BTK: variants seen among roughly 807,000 people sequenced by gnomAD.
BTK encodes Bruton tyrosine kinase.
A neutral mutation model predicts 57.4 loss-of-function variants in BTK; 5 were observed. The ratio of observed to expected loss-of-function variants is 0.09; its 90% CI spans 0.05 to 0.18. BTK has a LOEUF of 0.18. BTK is among the 10% of genes least tolerant of loss of function. BTK has a pLI of 1.00. For synonymous variants in BTK, 154 were observed against 174.3 expected, an observed-to-expected ratio of 0.88 and a Z score of 0.92; for missense variants, 194 against 501.2, an observed-to-expected ratio of 0.39 and a Z score of 5.85.
At chrX:101,385,347 T>C (rs1927578976) in intron 1 of BTK, among the ~76,000 whole-genome samples, 3 of 111,755 alleles carry the variant, frequency 2.7e-5, no homozygotes, top group African/African-American at 6.5e-5. Context: ...GCCATGCACA[T>C]GGAGGGCAAT....
chrX:101,382,587 T>G (rs1927485509), intron 1 of BTK, among the ~76,000 whole-genome samples: 1 of 111,148 alleles, frequency 9.0e-6, no homozygotes, highest in African/African-American at 3.3e-5. Flanking sequence ...TTTGGAAACT[T>G]CTAGGTCTCT....
rs1927331913 is a variant in BTK, at chrX:101,379,286, T to C, written c.-30-3972A>G. On this transcript the variant is annotated intron_variant, in intron 1 of 18. Coordinates refer to ENST00000308731, the MANE Select transcript of BTK (RefSeq NM_000061.3). ...ATATGATTTAAAATAAAATAACCAG[T>C]CAACTGTACTTCAAATGACTACTTA... Among the ~76,000 whole-genome samples the C allele has an allele frequency of 2.7e-5, 3 of 111,423 alleles. No individual in the cohort carries two copies. The South Asian group carries it at 1.1e-3, about 42-fold the overall frequency.
chrX:101,362,369 C>T (rs1569293315), intron 6 of BTK, 129 bp from the exon 7 acceptor site: 1 of 987,944 alleles, frequency 1.0e-6, no homozygotes, highest in African/African-American at 1.9e-5. Flanking sequence ...GCTAGGCATG[C>T]CAGGTCACAT....
upstream of BTK, among the ~76,000 whole-genome samples, chrX:101,389,396 A>AC (rs1291777142): frequency 8.9e-6 from 1 of 112,057 alleles, no homozygotes; most frequent in Non-Finnish European, 1.9e-5. Flanking sequence ...ACTAACATAA[A>AC]CCCCTAAAGG....
intron 1 of BTK, among the ~76,000 whole-genome samples, chrX:101,382,946 C>T (rs1336688381): frequency 8.9e-6 from 1 of 111,839 alleles, no homozygotes; most frequent in Non-Finnish European, 1.9e-5. Context: ...TGGAGGATTG[C>T]TTGAGCCCAA....
intron 5 of BTK, among the ~76,000 whole-genome samples, chrX:101,364,972 C>T (rs1242908314): frequency 9.0e-6 from 1 of 111,243 alleles, no homozygotes; most frequent in Non-Finnish European, 1.9e-5. Context: ...GAACTTCTGA[C>T]CTCGTGATTC....
chrX:101,357,368 T>TA (rs1926516964), intron 13 of BTK, 141 bp downstream of exon 13: 3 of 561,381 alleles, frequency 5.3e-6, no homozygotes, highest in African/African-American at 2.3e-5. Flanking sequence ...AGTGAATAAC[T>TA]TTTGCTTGGA....
At chrX:101,366,127 C>T (rs1296475251) in intron 5 of BTK, among the ~76,000 whole-genome samples, 5 of 111,426 alleles carry the variant, frequency 4.5e-5, no homozygotes, top group Non-Finnish European at 9.4e-5. Context: ...CAAAAATTAG[C>T]TGGGCGTGGT....
In BTK at chrX:101,357,602, TCATG is replaced by T. The variant is rs1926527275; in HGVS notation, c.1103-23_1103-20del. 2 of 1,184,771 alleles carry T rather than the reference TCATG, an allele frequency of 1.7e-6. No individual in the cohort carries two copies. Among genetic ancestry groups the T allele is most frequent in the Non-Finnish European group, 2.3e-6 (2 of 871,312 alleles). The stretch of plus-strand genomic sequence containing the variant: ...ATGAGTCCTGAAACAGAGAGAGAGG[TCATG>T]CTGTTGGTGTGGTGTAGGAGGTGGG... On this transcript the variant is annotated intron_variant, in intron 12 of 18. Coordinates refer to ENST00000308731, the MANE Select transcript of BTK (RefSeq NM_000061.3).
intron 1 of BTK, among the ~76,000 whole-genome samples, chrX:101,380,053 T>G (rs1927359790): frequency 8.9e-6 from 1 of 112,097 alleles, no homozygotes; most frequent in Admixed American, 9.5e-5. Flanking sequence ...ACATCCACCC[T>G]TCTCTGTCCC....
chrX:101,378,785 G>A lies in BTK; in HGVS notation c.-30-3471C>T, dbSNP rs187764256. Among the ~76,000 whole-genome samples, 104 of 111,745 alleles carry A rather than the reference G, an allele frequency of 9.3e-4. 1 individual carries two copies. The highest frequency in any genetic ancestry group is 1.6e-3 in the Non-Finnish European group (85 of 53,214). ...CAAGAGTGCAGCCATCATACAAACT[G>A]CAGTATGCCAAGGAATTAATAGAAA... On this transcript the variant is annotated intron_variant, in intron 1 of 18. Coordinates refer to ENST00000308731, the MANE Select transcript of BTK (RefSeq NM_000061.3).
At chrX:101,386,934 C>T (rs1555982534), upstream of BTK, among the ~76,000 whole-genome samples, 1 of 111,121 alleles carries the variant, frequency 9.0e-6, no homozygotes, top group Non-Finnish European at 1.9e-5. Flanking sequence ...TCTCAGGGGC[C>T]CCCTACATTA....
upstream of BTK, among the ~76,000 whole-genome samples, chrX:101,388,987 C>T (rs934100493): frequency 9.0e-6 from 1 of 111,623 alleles, no homozygotes; most frequent in Non-Finnish European, 1.9e-5. Flanking sequence ...CCTCCCACCT[C>T]GGTGTCAGCA....
intron 1 of BTK, among the ~76,000 whole-genome samples, chrX:101,376,984 C>T (rs1390452230): frequency 2.7e-5 from 3 of 111,269 alleles, no homozygotes; most frequent in African/African-American, 9.8e-5. Context: ...CAAAGGAACA[C>T]CAGGGGTGTT....
At chrX:101,381,892 C>A (rs1337374437) in intron 1 of BTK, among the ~76,000 whole-genome samples, 1 of 108,904 alleles carries the variant, frequency 9.2e-6, no homozygotes, top group African/African-American at 3.3e-5. Context: ...ATTAGCCTGG[C>A]GTGGTGGCGC....
At position 101,375,222 on chromosome X, in the gene BTK, T is replaced by C. The variant is rs781799902; in HGVS notation, c.63A>G (p.Ser21=). Residue 21 remains serine (S), a synonymous_variant, in exon 2 of 19, where the codon TCA becomes TCG. Transcript: ENST00000308731. Reference sequence around the variant, plus strand: ...ACAGGCGCTTCTTGAAGTTTAGAGGTGATGTTTTCTTTTTCTGTTGGGATC... The same window carrying C: ...ACAGGCGCTTCTTGAAGTTTAGAGGCGATGTTTTCTTTTTCTGTTGGGATC... ...LKRSQQKKKT[S]PLNFKKRLFL... The C allele has an allele frequency of 3.3e-6, 4 of 1,210,867 alleles. No individual in the cohort carries two copies. The Admixed American group carries it at 8.7e-5, about 26-fold the overall frequency.
In BTK at chrX:101,349,604, G is replaced by A. The variant is rs1400512405; in HGVS notation, c.*281C>T. ...AAAGAGCTGTTGGACCCCTTTGTGC[G>A]GCTATTTACATCCTCCCTCCTAAAA... On this transcript the variant is annotated 3_prime_UTR_variant, in exon 19 of 19. Coordinates refer to ENST00000308731, the MANE Select transcript of BTK (RefSeq NM_000061.3). 1 of 326,074 alleles carries A rather than the reference G, an allele frequency of 3.1e-6. No homozygotes were observed. The highest frequency in any genetic ancestry group is 6.6e-5 in the South Asian group (1 of 15,199). The allele number at this position is 326,074 out of a possible 1,213,427, so 26.9% of individuals were successfully genotyped here. A position where few individuals can be genotyped will look rare whatever the true frequency, so the allele number is the denominator to read the frequency against.
At chrX:101,351,930 G>A (rs1926299440) in intron 18 of BTK, among the ~76,000 whole-genome samples, 1 of 111,570 alleles carries the variant, frequency 9.0e-6, no homozygotes, top group Non-Finnish European at 1.9e-5. Flanking sequence ...TTGGGAGGCA[G>A]AGGCGGGTGG....
intron 1 of BTK, 134 bp from the exon 2 acceptor site, chrX:101,375,448 C>T (rs1927180451): frequency 3.3e-6 from 2 of 598,131 alleles, no homozygotes; most frequent in East Asian, 6.9e-5. Context: ...TCCTACCAAC[C>T]TCCTCCCACA....
Sources: allele counts gnomAD v4.1 joint callset (sites outside exome capture counted in the v4.1 genomes callset), GRCh38; gene constraint gnomAD v4.1.1; transcripts MANE v1.5; gene names NCBI Gene and HGNC (gene_info 2026-07-23, HGNC 2026-07-21).